The following AMMECR1 variants were observed in gnomAD, a reference collection of about 807,000 sequenced individuals.
The protein encoded by AMMECR1 is AMMECR nuclear protein 1, also known as nuclear protein AMMECR1.
A neutral mutation model predicts 22.5 loss-of-function variants in AMMECR1; 3 were observed. The ratio of observed to expected loss-of-function variants is 0.13; its 90% CI spans 0.06 to 0.35. The LOEUF is 0.35. Ranked by LOEUF, AMMECR1 falls within the 10% of genes least tolerant of loss-of-function variation. AMMECR1 has a pLI of 1.00. For synonymous variants in AMMECR1, 130 were observed against 116.7 expected, an observed-to-expected ratio of 1.11 and a Z score of -0.74; for missense variants, 235 against 278.7, an observed-to-expected ratio of 0.84 and a Z score of 1.12.
intron 3 of AMMECR1, among the ~76,000 whole-genome samples, chrX:110,207,101 C>T (rs968155730): frequency 6.3e-5 from 7 of 111,465 alleles, no homozygotes; most frequent in Non-Finnish European, 1.1e-4. Flanking sequence ...ACCCCCTAAC[C>T]TTTAGAGGCT....
At chrX:110,244,871 A>C (rs1352092582) in intron 2 of AMMECR1, among the ~76,000 whole-genome samples, 1 of 112,391 alleles carries the variant, frequency 8.9e-6, no homozygotes. Flanking sequence ...TGTATCTTTC[A>C]ATCAAGCTTT....
chrX:110,371,391 G>A (rs1376897304), intron 2 of AMMECR1, among the ~76,000 whole-genome samples: 2 of 111,857 alleles, frequency 1.8e-5, no homozygotes, highest in Non-Finnish European at 3.8e-5. Flanking sequence ...TACTCACTGA[G>A]TCGCAAACAA....
intron 1 of AMMECR1, among the ~76,000 whole-genome samples, chrX:110,272,691 T>C (rs779097210): frequency 9.0e-6 from 1 of 111,600 alleles, no homozygotes; most frequent in Non-Finnish European, 1.9e-5. Context: ...GAGTCTCCAG[T>C]GTCTATTATT....
intron 2 of AMMECR1, among the ~76,000 whole-genome samples, chrX:110,391,221 C>T (rs914110382): frequency 9.0e-6 from 1 of 111,296 alleles, no homozygotes; most frequent in African/African-American, 3.3e-5. Context: ...CACATTCACA[C>T]TGAGGCTGTG....
chrX:110,318,310 C>T (rs1233345558), upstream of AMMECR1: 1 of 112,975 alleles, frequency 8.9e-6, no homozygotes, highest in Admixed American at 9.4e-5. Context: ...CGACTCGTGC[C>T]TCTTCTGAGC....
intron 2 of AMMECR1, among the ~76,000 whole-genome samples, chrX:110,420,487 T>G (rs959906582): frequency 4.5e-5 from 5 of 112,231 alleles, no homozygotes; most frequent in African/African-American, 1.6e-4. Context: ...CAAGAAGGAC[T>G]AGCTCTGGCT....
chrX:110,438,428 A>C (rs1019686038), intron 1 of AMMECR1, among the ~76,000 whole-genome samples: 1 of 111,658 alleles, frequency 9.0e-6, no homozygotes, highest in Admixed American at 9.5e-5. Context: ...TATAATCAGA[A>C]TCCGTAATCT....
chrX:110,211,222 T>C (rs781277531), intron 3 of AMMECR1, among the ~76,000 whole-genome samples: 1 of 112,608 alleles, frequency 8.9e-6, no homozygotes, highest in South Asian at 3.6e-4. Flanking sequence ...TTGATTACAA[T>C]TTAGAAAATA....
intron 1 of AMMECR1, among the ~76,000 whole-genome samples, chrX:110,309,892 T>C (rs1346601853): frequency 2.7e-5 from 3 of 112,826 alleles, no homozygotes; most frequent in Non-Finnish European, 5.6e-5. Context: ...CGAGGCTTTA[T>C]CTTGCTCAAG....
intron 2 of AMMECR1, among the ~76,000 whole-genome samples, chrX:110,332,648 AG>A (rs750503119): frequency 3.0e-4 from 34 of 111,742 alleles, no homozygotes; most frequent in Non-Finnish European, 5.8e-4. Context: ...CCCCTTTCTT[AG>A]GTGCTTTTGC....
chrX:110,405,953 A>T (rs1041359221), intron 2 of AMMECR1, among the ~76,000 whole-genome samples: 1 of 111,656 alleles, frequency 9.0e-6, no homozygotes, highest in African/African-American at 3.3e-5. Flanking sequence ...TAATTTTATG[A>T]GACTGTAATT....
chrX:110,209,594 C>A (rs2067437554), intron 3 of AMMECR1, among the ~76,000 whole-genome samples: 1 of 111,996 alleles, frequency 8.9e-6, no homozygotes, highest in Non-Finnish European at 1.9e-5. Context: ...GCAATGGCCA[C>A]TTTGAAAGTT....
At chrX:110,218,394 A>G (rs1465000619) in intron 2 of AMMECR1, among the ~76,000 whole-genome samples, 1 of 110,902 alleles carries the variant, frequency 9.0e-6, no homozygotes, top group Non-Finnish European at 1.9e-5. Context: ...ATAACATAAA[A>G]TTACTATTTT....
chrX:110,340,691 T>C (rs767152906), intron 2 of AMMECR1, among the ~76,000 whole-genome samples: 7 of 112,402 alleles, frequency 6.2e-5, no homozygotes, highest in Admixed American at 9.4e-5. Context: ...GAAAAGCATC[T>C]GGCACATATT....
chrX:110,419,426 G>T (rs1233126038), intron 2 of AMMECR1, among the ~76,000 whole-genome samples: 1 of 112,400 alleles, frequency 8.9e-6, no homozygotes, highest in Non-Finnish European at 1.9e-5. Context: ...GATGCCTCCT[G>T]TTCCTCTCTT....
intron 1 of AMMECR1, chrX:110,309,172 T>C (rs1396720320): frequency 8.9e-6 from 1 of 111,888 alleles, no homozygotes; most frequent in Non-Finnish European, 1.9e-5. Flanking sequence ...AAGCATTTAT[T>C]TGAGGCAGAT....
At chrX:110,209,101 G>A (rs1373235149) in intron 3 of AMMECR1, among the ~76,000 whole-genome samples, 1 of 110,593 alleles carries the variant, frequency 9.0e-6, no homozygotes, top group Non-Finnish European at 1.9e-5. Context: ...GTGGGGACAG[G>A]GTGGGCGGGG....
At chrX:110,354,830 A>C (rs781173953) in intron 2 of AMMECR1, among the ~76,000 whole-genome samples, 1 of 111,985 alleles carries the variant, frequency 8.9e-6, no homozygotes, top group Non-Finnish European at 1.9e-5. Context: ...CCTATCTCTC[A>C]CCAATTCGAA....
intron 2 of AMMECR1, among the ~76,000 whole-genome samples, chrX:110,396,895 T>C: frequency 8.9e-6 from 1 of 112,092 alleles, no homozygotes; most frequent in Non-Finnish European, 1.9e-5. Flanking sequence ...ATGGGATCAG[T>C]TGGACTCCTA....
Sources: allele counts gnomAD v4.1 joint callset (sites outside exome capture counted in the v4.1 genomes callset), GRCh38; gene constraint gnomAD v4.1.1; transcripts MANE v1.5; gene names NCBI Gene and HGNC (gene_info 2026-07-23, HGNC 2026-07-21).